PRDM10: variants seen among roughly 807,000 people sequenced by gnomAD.
PRDM10 encodes the protein PR/SET domain 10.
Under a neutral mutation model 133.1 loss-of-function variants are expected in PRDM10, and 65 were observed. The ratio of observed to expected loss-of-function variants is 0.49; its 90% confidence interval spans 0.40 to 0.60. The LOEUF (loss-of-function observed/expected upper bound fraction) is 0.60, where lower values mean the gene tolerates loss of function less well. Among genes scored for constraint, PRDM10 ranks in the 20% least tolerant of loss-of-function variants. PRDM10 has a pLI of 0.00. For synonymous variants in PRDM10, 582 were observed against 580.4 expected, an observed-to-expected ratio of 1.00 and a Z score of -0.04; for missense variants, 1,137 against 1,507.1, an observed-to-expected ratio of 0.75 and a Z score of 4.07.
At chr11:129,942,676 A>G in intron 6 of PRDM10, 47 bp from the exon 7 acceptor site, 1 of 1,473,728 alleles carries the variant, frequency 6.8e-7, no homozygotes, top group South Asian at 1.2e-5. Flanking sequence ...AACCTTCAAT[A>G]TGAGACACAT....
At chr11:129,993,550 T>C (rs1299729758) in intron 1 of PRDM10, among the ~76,000 whole-genome samples, 1 of 152,140 alleles carries the variant, frequency 6.6e-6, no homozygotes, top group Non-Finnish European at 1.5e-5. Context: ...AGTGGTGCGA[T>C]CTCGGATCAC....
chr11:129,910,083 T>C (rs534897949), intron 19 of PRDM10, among the ~76,000 whole-genome samples: 1 of 152,356 alleles, frequency 6.6e-6, no homozygotes, highest in South Asian at 2.1e-4. Flanking sequence ...CTGGTTAACA[T>C]TATTATTGTG....
At chr11:129,970,905 C>CT (rs1952007026) in intron 1 of PRDM10, among the ~76,000 whole-genome samples, 3 of 152,256 alleles carry the variant, frequency 2.0e-5, no homozygotes, top group Admixed American at 1.3e-4. Flanking sequence ...TTTCCACCAA[C>CT]TTTTTTGCCA....
At chr11:129,963,122 A>G (rs1173324568) in intron 1 of PRDM10, among the ~76,000 whole-genome samples, 1 of 151,324 alleles carries the variant, frequency 6.6e-6, no homozygotes, top group Non-Finnish European at 1.5e-5. Flanking sequence ...ATACTCCTGC[A>G]TGGGTCACAG....
rs1950576049 is a variant in PRDM10, at chr11:129,923,521, G to A, written c.1879-118C>T. On this transcript the variant is annotated intron_variant, in intron 12 of 20. Coordinates refer to ENST00000360871, the MANE Select transcript of PRDM10 (RefSeq NM_199437.2). The surrounding 1 kb of genome is among the most constrained non-coding windows in gnomAD (Gnocchi z 4.4). ...ATTACCATGGGTTTTCATCAACCCCGCCGAGGAATCCAATCAGATGTGATA... is the reference window on the plus strand; with the variant it reads ...ATTACCATGGGTTTTCATCAACCCCACCGAGGAATCCAATCAGATGTGATA... 8.2e-6 allele frequency: 9 copies of A among 1,096,874 alleles called. No individual in the cohort carries two copies. Among genetic ancestry groups the A allele is most frequent in the South Asian group, 3.4e-5 (2 of 58,950 alleles). The allele number at this position is 1,096,874 out of a possible 1,614,324, so 67.9% of individuals were successfully genotyped here.
intron 10 of PRDM10, among the ~76,000 whole-genome samples, chr11:129,931,565 T>C (rs978053891): frequency 4.7e-5 from 6 of 127,250 alleles, no homozygotes; most frequent in Non-Finnish European, 8.3e-5. Context: ...ATTTTTATTT[T>C]ATTTTATTTT....
At chr11:129,953,778 T>C (rs1951638780) in intron 4 of PRDM10, among the ~76,000 whole-genome samples, 1 of 136,210 alleles carries the variant, frequency 7.3e-6, no homozygotes, top group Non-Finnish European at 1.5e-5. Context: ...GTATTTATCC[T>C]AAGGAAATAA....
chr11:129,950,661 C>A (rs1324992658), intron 4 of PRDM10, among the ~76,000 whole-genome samples: 1 of 152,150 alleles, frequency 6.6e-6, no homozygotes, highest in South Asian at 2.1e-4. Context: ...ACAATACTGC[C>A]CCTTGTCCTA....
intron 1 of PRDM10, among the ~76,000 whole-genome samples, chr11:129,988,583 C>T (rs955047360): frequency 5.4e-5 from 8 of 149,472 alleles, no homozygotes; most frequent in African/African-American, 2.0e-4. Context: ...AATTTTATTT[C>T]AGTAAAGCTG....
chr11:129,978,270 C>T (rs560856371), intron 1 of PRDM10, among the ~76,000 whole-genome samples: 2 of 152,192 alleles, frequency 1.3e-5, no homozygotes, highest in Admixed American at 6.5e-5. Context: ...CTGGAAGCTC[C>T]AAGGCACAGG....
chr11:129,957,406 C>A (rs553600743), intron 3 of PRDM10, among the ~76,000 whole-genome samples: 48 of 152,134 alleles, frequency 3.2e-4, no homozygotes, highest in Non-Finnish European at 5.7e-4. Flanking sequence ...GCAACCTCCG[C>A]CTCCCAGGTT....
intron 11 of PRDM10, chr11:129,929,339 AG>A: frequency 1.4e-6 from 2 of 1,451,662 alleles, no homozygotes; most frequent in Middle Eastern, 1.7e-4. Flanking sequence ...TAGTAAGTAC[AG>A]GTTGCAAAGA....
Position 129,944,547 on chromosome 11 carries a change from T to A in PRDM10, c.762+224A>T, listed in dbSNP as rs376731522. 4.7e-4 allele frequency among the ~76,000 whole-genome samples: 70 copies of A among 148,674 alleles called. 2 individuals carry two copies. The South Asian group carries it at 8.4e-3, about 18-fold the overall frequency. Reference sequence around the variant, plus strand: ...TTGCAGTGAGCCGAGATCGCGCCACTGCACTCCAGCCTGGGCGACAGAGCA... The same window carrying A: ...TTGCAGTGAGCCGAGATCGCGCCACAGCACTCCAGCCTGGGCGACAGAGCA... On this transcript the variant is annotated intron_variant, in intron 6 of 20. Transcript: ENST00000360871.
At position 129,975,299 on chromosome 11, in the gene PRDM10, C is replaced by A. The variant is rs1391243334; in HGVS notation, c.-118-14217G>T. Reference sequence around the variant, plus strand: ...AAAATTAGCCGGGTGTGGTGGCAGGCGCCTGTAGTCCCTACTCGGGAGGCT... The same window carrying A: ...AAAATTAGCCGGGTGTGGTGGCAGGAGCCTGTAGTCCCTACTCGGGAGGCT... On this transcript the variant is annotated intron_variant, in intron 1 of 20. Transcript: ENST00000360871. Among the ~76,000 whole-genome samples, 3 of 151,888 alleles carry A rather than the reference C, an allele frequency of 2.0e-5. No individual in the cohort carries two copies. In the East Asian group the frequency reaches 5.8e-4, roughly 29 times the overall value.
chr11:129,910,527 A>G lies in PRDM10; in HGVS notation c.3112T>C (p.Ser1038Pro). The change falls in exon 19 of 21, where the codon TCT becomes CCT. Residue 1038 changes from serine to proline, a missense_variant. By Grantham distance (74) the Ser-to-Pro change is moderately conservative. This residue lies in a region of PRDM10 where 243 missense variants were observed against 259.2 expected (regional missense o/e 0.94). Transcript: ENST00000360871. ...QQQQQQQQNS[S>P]VQHTYLPSAW... ...CTGGGCAGGTACGTGTGCTGCACAGAGGAATTCTGCTGCTGCTGCTGCTGC... is the reference window on the plus strand; with the variant it reads ...CTGGGCAGGTACGTGTGCTGCACAGGGGAATTCTGCTGCTGCTGCTGCTGC... 6.2e-7 allele frequency: 1 copy of G among 1,614,120 alleles called. No individual in the cohort carries two copies.
intron 4 of PRDM10, among the ~76,000 whole-genome samples, chr11:129,953,137 C>T (rs1339586919): frequency 6.6e-6 from 1 of 151,806 alleles, no homozygotes; most frequent in Non-Finnish European, 1.5e-5. Flanking sequence ...ACCACCATGC[C>T]CAACTAATTT....
At position 129,957,880 on chromosome 11, in the gene PRDM10, C is replaced by T; in HGVS notation, c.100G>A (p.Ala34Thr). 1 of 1,613,418 alleles carries T rather than the reference C, an allele frequency of 6.2e-7. No homozygotes were observed. Among genetic ancestry groups the T allele is most frequent in the Non-Finnish European group, 8.5e-7 (1 of 1,179,674 alleles). Residue 34 changes from alanine to threonine, a missense_variant, in exon 3 of 21, where the codon GCT (alanine) becomes ACT (threonine). Ala to Thr is a moderately conservative substitution (Grantham distance 58, BLOSUM62 0). Coordinates refer to ENST00000360871, the MANE Select transcript of PRDM10 (RefSeq NM_199437.2). ...TGGTCATCGGTATAGACAATCTGAG[C>T]CACTGTTCCTGTGTCCGGAACAAAG... is the stretch of plus-strand genomic sequence containing the variant. ...VHFVPDTGTV[A>T]QIVYTDDQVR...
chr11:129,922,042 G>A (rs947210201), intron 13 of PRDM10, among the ~76,000 whole-genome samples: 3 of 151,680 alleles, frequency 2.0e-5, no homozygotes, highest in East Asian at 1.9e-4. Flanking sequence ...GCTGACTTCC[G>A]ACCTCCCAGC....
In PRDM10 at chr11:129,945,534, G is replaced by A. The variant is rs1016659410; in HGVS notation, c.521-522C>T. Among the ~76,000 whole-genome samples, 5 of 152,210 alleles carry A rather than the reference G, an allele frequency of 3.3e-5. No individual in the cohort carries two copies. The highest frequency in any genetic ancestry group is 1.5e-5 in the Non-Finnish European group (1 of 68,034). On this transcript the variant is annotated intron_variant, in intron 5 of 20. Coordinates refer to ENST00000360871, the MANE Select transcript of PRDM10 (RefSeq NM_199437.2). This position sits in a 1 kb window ranked among gnomAD's most constrained non-coding sequence, Gnocchi z 4.2. Reference sequence around the variant, plus strand: ...ACGGAAAAAGGGTTGTGCGGTCTGAGAGTTCAGTGCATACTGTCTGATTAG... The same window carrying A: ...ACGGAAAAAGGGTTGTGCGGTCTGAAAGTTCAGTGCATACTGTCTGATTAG...
Sources: gnomAD v4.1 joint callset for allele counts (sites outside exome capture counted in the v4.1 genomes callset) on GRCh38, gnomAD v4.1.1 for gene constraint, gnomAD v4.1.1 regional missense constraint, Gnocchi (gnomAD v3.1) non-coding constraint, MANE v1.5 for transcripts, NCBI Gene and HGNC (gene_info 2026-07-23, HGNC 2026-07-21) for gene names.